SREK1IP1: variants seen among roughly 807,000 people sequenced by gnomAD.
SREK1IP1 encodes the protein SREK1 interacting protein 1, also known as protein SREK1IP1.
A neutral mutation model predicts 22.8 loss-of-function variants in SREK1IP1; 12 were observed. That is an observed-to-expected ratio of 0.53 (90% CI 0.34 to 0.85). SREK1IP1 has a LOEUF of 0.85. Among genes scored for constraint, SREK1IP1 ranks in the 40% least tolerant of loss-of-function variants. The probability of loss-of-function intolerance (pLI) is 0.02; values close to 1 mark genes in which losing one functional copy is unlikely to be tolerated. For synonymous variants in SREK1IP1, 53 were observed against 52.7 expected, an observed-to-expected ratio of 1.01 and a Z score of -0.02; for missense variants, 147 against 171.8, an observed-to-expected ratio of 0.86 and a Z score of 0.81.
At chr5:64,762,637 T>C (rs1301848161) in intron 1 of SREK1IP1, among the ~76,000 whole-genome samples, 3 of 152,208 alleles carry the variant, frequency 2.0e-5, no homozygotes, top group African/African-American at 4.8e-5. Context: ...CAGTAGAAAT[T>C]AGTCATTTTT....
At chr5:64,755,293 A>G (rs1215480434) in intron 1 of SREK1IP1, among the ~76,000 whole-genome samples, 1 of 152,210 alleles carries the variant, frequency 6.6e-6, no homozygotes, top group African/African-American at 2.4e-5. Flanking sequence ...TTACAACAGC[A>G]AAGACATGGA....
intron 2 of SREK1IP1, among the ~76,000 whole-genome samples, chr5:64,751,053 C>T (rs1016322216): frequency 2.3e-4 from 35 of 152,310 alleles, no homozygotes; most frequent in Non-Finnish European, 4.6e-4. Context: ...TGAATCTACA[C>T]ACTTTGTTTC....
At chr5:64,731,512 C>T (rs559973431) in intron 3 of SREK1IP1, among the ~76,000 whole-genome samples, 3 of 134,442 alleles carry the variant, frequency 2.2e-5, no homozygotes, top group African/African-American at 7.1e-5. Flanking sequence ...ACAGAGTGGG[C>T]CCTTGTCTCA....
intron 3 of SREK1IP1, among the ~76,000 whole-genome samples, chr5:64,731,924 T>C (rs762782905): frequency 2.2e-4 from 33 of 152,132 alleles, no homozygotes; most frequent in Non-Finnish European, 2.5e-4. Flanking sequence ...GTGTCAATGG[T>C]TGGCATACTA....
chr5:64,734,367 T>A (rs1308843439), intron 3 of SREK1IP1, among the ~76,000 whole-genome samples: 1 of 152,082 alleles, frequency 6.6e-6, no homozygotes, highest in Non-Finnish European at 1.5e-5. Flanking sequence ...TTTTCTAGGT[T>A]CTTTACATTT....
chr5:64,744,116 T>C (rs1742594196), intron 2 of SREK1IP1, among the ~76,000 whole-genome samples: 1 of 152,070 alleles, frequency 6.6e-6, no homozygotes. Flanking sequence ...TCTGGGGGCA[T>C]TCCACCAGAA....
intron 2 of SREK1IP1, among the ~76,000 whole-genome samples, chr5:64,749,904 T>C (rs1250532869): frequency 6.6e-6 from 1 of 152,234 alleles, no homozygotes; most frequent in Non-Finnish European, 1.5e-5. Context: ...TGGCTCTTCC[T>C]TGAGGGCATT....
rs1384481873 is a variant in SREK1IP1, at chr5:64,768,634, A to C, written c.-117T>G. 2 of 1,462,776 alleles carry C rather than the reference A, an allele frequency of 1.4e-6. No homozygotes were observed. Among genetic ancestry groups the C allele is most frequent in the East Asian group, 4.6e-5 (2 of 43,660 alleles). The allele number at this position is 1,462,776 out of a possible 1,614,324, so 90.6% of individuals were successfully genotyped here. ...GTTTTCCTTCCCCCAGCGCAGCAGC[A>C]CCCTCGCTACGGTCGGGAAGGGCCT... On this transcript the variant is annotated 5_prime_UTR_variant, in exon 1 of 5. Coordinates refer to ENST00000513458, the MANE Select transcript of SREK1IP1 (RefSeq NM_173829.4).
At chr5:64,766,125 C>A (rs1743028896) in intron 1 of SREK1IP1, among the ~76,000 whole-genome samples, 1 of 152,222 alleles carries the variant, frequency 6.6e-6, no homozygotes, top group Non-Finnish European at 1.5e-5. Flanking sequence ...CATAGCCTTA[C>A]CTCCTATTAT....
chr5:64,753,118 T>C (rs1742777884), intron 2 of SREK1IP1, among the ~76,000 whole-genome samples: 1 of 152,170 alleles, frequency 6.6e-6, no homozygotes, highest in Non-Finnish European at 1.5e-5. Flanking sequence ...ATATTTTATT[T>C]CCAGAAAATG....
chr5:64,740,209 C>A (rs1742530180), intron 3 of SREK1IP1, among the ~76,000 whole-genome samples: 1 of 151,994 alleles, frequency 6.6e-6, no homozygotes, highest in Non-Finnish European at 1.5e-5. Flanking sequence ...CCAGGAAAGA[C>A]AGAGAGTGAC....
In SREK1IP1 at chr5:64,754,320, C is replaced by G. The variant is rs762303634; in HGVS notation, c.56G>C (p.Gly19Ala). Reference sequence around the variant, plus strand: ...TCATCTTTTAGAATACTTACGGTAGCCACATTTTTTACAGCCTGCTCTGAC... The same window carrying G: ...TCATCTTTTAGAATACTTACGGTAGGCACATTTTTTACAGCCTGCTCTGAC... Reference protein sequence around the residue: ...DSVRAGCKKCGYPGHLTFECR... With the variant: ...DSVRAGCKKCAYPGHLTFECR... The change falls in exon 2 of 5, where the codon GGC becomes GCC. Residue 19 changes from glycine (G) to alanine (A), a missense_variant. Gly to Ala is a moderately conservative substitution (Grantham distance 60, BLOSUM62 0). Around this residue, in one of 3 missense-constraint regions of SREK1IP1, gnomAD observed 62 missense variants for 73.3 expected, o/e 0.85. Coordinates refer to ENST00000513458, the MANE Select transcript of SREK1IP1 (RefSeq NM_173829.4). The G allele has an allele frequency of 3.1e-6, 5 of 1,613,818 alleles. No individual in the cohort carries two copies. The highest frequency in any genetic ancestry group is 3.4e-6 in the Non-Finnish European group (4 of 1,179,796).
chr5:64,731,685 T>C (rs1337841908), intron 3 of SREK1IP1, among the ~76,000 whole-genome samples: 1 of 151,944 alleles, frequency 6.6e-6, no homozygotes, highest in African/African-American at 2.4e-5. Flanking sequence ...GTCTTGAACA[T>C]ATAAAAAATG....
In SREK1IP1 at chr5:64,767,030, A is replaced by G. The variant is rs137977394; in HGVS notation, c.13+1475T>C. Among the ~76,000 whole-genome samples the G allele has an allele frequency of 1.3e-3, 196 of 152,364 alleles. 1 individual carries two copies. Among genetic ancestry groups the G allele is most frequent in the African/African-American group, 4.6e-3 (190 of 41,590 alleles). On this transcript the variant is annotated intron_variant, in intron 1 of 4. Coordinates refer to ENST00000513458, the MANE Select transcript of SREK1IP1 (RefSeq NM_173829.4). ...ATATTTGACACATAAATATTAGTCA[A>G]TATTAGCTACAGCTACTACCTCTGT...
intron 1 of SREK1IP1, among the ~76,000 whole-genome samples, chr5:64,757,354 C>T (rs1238777242): frequency 6.6e-6 from 1 of 152,188 alleles, no homozygotes; most frequent in East Asian, 1.9e-4. Flanking sequence ...TATGACTGCG[C>T]CACTGCACTC....
chr5:64,754,265 A>G (rs1360642331), intron 2 of SREK1IP1, 50 bp downstream of exon 2: 1 of 1,577,484 alleles, frequency 6.3e-7, no homozygotes, highest in South Asian at 1.1e-5. Flanking sequence ...CAAAGAGGCC[A>G]TGATTCCAGT....
intron 4 of SREK1IP1, among the ~76,000 whole-genome samples, chr5:64,726,637 G>T (rs899747066): frequency 6.6e-6 from 1 of 151,028 alleles, no homozygotes; most frequent in Admixed American, 6.6e-5. Context: ...GTTACGCCTT[G>T]ATAAATCTAT....
intron 2 of SREK1IP1, among the ~76,000 whole-genome samples, chr5:64,742,865 A>G (rs542445952): frequency 1.3e-5 from 2 of 152,182 alleles, no homozygotes; most frequent in African/African-American, 4.8e-5. Flanking sequence ...CAAGTTTCTT[A>G]GTTGTTTCTT....
chr5:64,754,604 C>T (rs1373615337), intron 1 of SREK1IP1: 6 of 397,546 alleles, frequency 1.5e-5, no homozygotes, highest in Non-Finnish European at 2.3e-5. Context: ...GCTGAGACTA[C>T]AGGCATGTGC....
Sources: gnomAD v4.1 joint callset for allele counts (sites outside exome capture counted in the v4.1 genomes callset) on GRCh38, gnomAD v4.1.1 for gene constraint, gnomAD v4.1.1 regional missense constraint, MANE v1.5 for transcripts, NCBI Gene and HGNC (gene_info 2026-07-23, HGNC 2026-07-21) for gene names.